BRINP3: variants seen among roughly 807,000 people sequenced by gnomAD.
The protein encoded by BRINP3 is BMP/retinoic acid inducible neural specific 3.
In BRINP3, 19 loss-of-function variants were observed where a neutral mutation model predicts 71.0. The ratio of observed to expected loss-of-function variants is 0.27; its 90% CI spans 0.19 to 0.39. The LOEUF is 0.39. Among genes scored for constraint, BRINP3 ranks in the 10% least tolerant of loss-of-function variants. BRINP3 has a pLI of 1.00. For missense variants in BRINP3, 959 were observed against 940.8 expected (o/e 1.02, Z -0.25); for synonymous variants, 380 against 337.7 (o/e 1.13, Z -1.37).
At chr1:190,298,655 C>G (rs901296964) in intron 2 of BRINP3, among the ~76,000 whole-genome samples, 2 of 151,940 alleles carry the variant, frequency 1.3e-5, no homozygotes, top group Non-Finnish European at 2.9e-5. Context: ...TCTAGTATTG[C>G]TTTCTTGTAT....
At chr1:190,401,972 T>G (rs1173597883) in intron 2 of BRINP3, among the ~76,000 whole-genome samples, 3 of 151,988 alleles carry the variant, frequency 2.0e-5, no homozygotes, top group African/African-American at 7.2e-5. Context: ...TATATATACT[T>G]GATACTTGAT....
At chr1:190,456,200 A>G (rs1675973315) in intron 1 of BRINP3, among the ~76,000 whole-genome samples, 1 of 152,200 alleles carries the variant, frequency 6.6e-6, no homozygotes, top group Non-Finnish European at 1.5e-5. Context: ...ATTTAATCCT[A>G]AACTATTTCT....
chr1:190,382,252 C>A (rs938426514), intron 2 of BRINP3, among the ~76,000 whole-genome samples: 3 of 152,016 alleles, frequency 2.0e-5, no homozygotes, highest in Admixed American at 1.3e-4. Context: ...ATTCTCTCAA[C>A]TTTTCCTAAT....
chr1:190,185,346 A>T (rs953703350), intron 6 of BRINP3, among the ~76,000 whole-genome samples: 18 of 152,150 alleles, frequency 1.2e-4, no homozygotes, highest in African/African-American at 3.9e-4. Flanking sequence ...GGTTTATAAA[A>T]AATGCTCAAG....
intron 6 of BRINP3, among the ~76,000 whole-genome samples, chr1:190,195,473 T>C (rs1192139474): frequency 1.3e-5 from 2 of 152,014 alleles, no homozygotes; most frequent in Non-Finnish European, 2.9e-5. Context: ...ACCTTAATTT[T>C]ATAGCAAACT....
chr1:190,366,546 A>T (rs1669514791), intron 2 of BRINP3, among the ~76,000 whole-genome samples: 1 of 152,062 alleles, frequency 6.6e-6, no homozygotes, highest in African/African-American at 2.4e-5. Flanking sequence ...CACATTTCAA[A>T]ACACAGTCAT....
intron 2 of BRINP3, among the ~76,000 whole-genome samples, chr1:190,294,366 C>T (rs981600567): frequency 2.6e-5 from 4 of 151,634 alleles, no homozygotes; most frequent in Non-Finnish European, 5.9e-5. Flanking sequence ...CTCAAGTGAT[C>T]CTCCCAGCTC....
chr1:190,103,142 G>A (rs565639497), intron 7 of BRINP3, among the ~76,000 whole-genome samples: 14 of 152,146 alleles, frequency 9.2e-5, no homozygotes, highest in South Asian at 4.1e-4. Flanking sequence ...GCCCTGTGAC[G>A]AGTTACTTAG....
intron 6 of BRINP3, among the ~76,000 whole-genome samples, chr1:190,208,488 GTTTA>G (rs983752057): frequency 3.3e-5 from 5 of 151,798 alleles, no homozygotes; most frequent in African/African-American, 4.8e-5. Flanking sequence ...TTATTTGTTT[GTTTA>G]TTTATTTATT....
intron 6 of BRINP3, among the ~76,000 whole-genome samples, chr1:190,168,512 C>T (rs1025412789): frequency 6.6e-6 from 1 of 152,142 alleles, no homozygotes; most frequent in Non-Finnish European, 1.5e-5. Flanking sequence ...CCAATAAAGA[C>T]TGTAACCCAT....
chr1:190,254,842 T>C (rs540537436), intron 4 of BRINP3, among the ~76,000 whole-genome samples: 8 of 152,204 alleles, frequency 5.3e-5, no homozygotes, highest in African/African-American at 1.4e-4. Flanking sequence ...GGCATCTCTG[T>C]CTTGTGCCTG....
At chr1:190,308,479 C>A (rs1162897801) in intron 2 of BRINP3, among the ~76,000 whole-genome samples, 2 of 150,650 alleles carry the variant, frequency 1.3e-5, no homozygotes, top group East Asian at 2.0e-4. Flanking sequence ...ACATCACACA[C>A]TGGGGACTGT....
chr1:190,375,226 A>G (rs1440683501), intron 2 of BRINP3, among the ~76,000 whole-genome samples: 1 of 151,900 alleles, frequency 6.6e-6, no homozygotes, highest in Non-Finnish European at 1.5e-5. Context: ...TAACATATAT[A>G]TACACACACA....
chr1:190,428,004 C>T (rs1204523135), intron 2 of BRINP3, among the ~76,000 whole-genome samples: 3 of 151,216 alleles, frequency 2.0e-5, no homozygotes, highest in Non-Finnish European at 4.4e-5. Flanking sequence ...ATTTGGTTTT[C>T]TGTTCCTATG....
At chr1:190,334,804 C>A (rs1394705223) in intron 2 of BRINP3, among the ~76,000 whole-genome samples, 1 of 151,526 alleles carries the variant, frequency 6.6e-6, no homozygotes, top group Non-Finnish European at 1.5e-5. Context: ...GTGGTTCTTG[C>A]AATATGAACT....
At chr1:190,329,579 C>T (rs922167148) in intron 2 of BRINP3, among the ~76,000 whole-genome samples, 1 of 151,770 alleles carries the variant, frequency 6.6e-6, no homozygotes, top group African/African-American at 2.4e-5. Flanking sequence ...ATTGGAATAA[C>T]TGATATTGTT....
chr1:190,221,177 C>T (rs1036166442), intron 6 of BRINP3, among the ~76,000 whole-genome samples: 13 of 152,070 alleles, frequency 8.5e-5, no homozygotes, highest in Non-Finnish European at 1.6e-4. Context: ...GAGATCGCAC[C>T]ACTACACTCC....
intron 6 of BRINP3, among the ~76,000 whole-genome samples, chr1:190,214,617 C>CT (rs1656249290): frequency 6.6e-6 from 1 of 151,952 alleles, no homozygotes; most frequent in Admixed American, 6.6e-5. Flanking sequence ...CTGGCTGAAA[C>CT]TTTAAGACTT....
intron 2 of BRINP3, among the ~76,000 whole-genome samples, chr1:190,339,864 T>C (rs1182934165): frequency 6.6e-6 from 1 of 151,956 alleles, no homozygotes; most frequent in Non-Finnish European, 1.5e-5. Flanking sequence ...CCTGATTTTA[T>C]TTGTGAATTG....
Sources: gnomAD v4.1 joint callset for allele counts (sites outside exome capture counted in the v4.1 genomes callset) on GRCh38, gnomAD v4.1.1 for gene constraint, MANE v1.5 for transcripts, NCBI Gene and HGNC (gene_info 2026-07-23, HGNC 2026-07-21) for gene names.